CTNND2: variants seen among roughly 807,000 people sequenced by gnomAD.
CTNND2 encodes the protein catenin delta 2.
In CTNND2, 22 loss-of-function variants were observed where a neutral mutation model predicts 144.4. That is an observed-to-expected ratio of 0.15 (90% CI 0.11 to 0.22). CTNND2 has a LOEUF of 0.22. Among genes scored for constraint, CTNND2 ranks in the 10% least tolerant of loss-of-function variants. CTNND2 has a pLI of 1.00. For missense variants in CTNND2, 1,353 were observed against 1,618.8 expected (o/e 0.84, Z 2.82); for synonymous variants, 751 against 695.6 (o/e 1.08, Z -1.25).
intron 13 of CTNND2, among the ~76,000 whole-genome samples, chr5:11,114,564 G>A (rs1012128448): frequency 1.3e-5 from 2 of 152,156 alleles, no homozygotes; most frequent in South Asian, 2.1e-4. Flanking sequence ...GGTGGCAGCC[G>A]GTAGCTTTGC....
At chr5:11,541,846 C>CA (rs111631935) in intron 3 of CTNND2, among the ~76,000 whole-genome samples, 1 of 145,376 alleles carries the variant, frequency 6.9e-6, no homozygotes, top group Admixed American at 6.8e-5. Context: ...CGACCCCCCC[C>CA]CCCCGGCCAA....
rs947031308 is a variant in CTNND2 at position 11,383,379 on chromosome 5, C to T, written c.1177+1286G>A. Among the ~76,000 whole-genome samples, 97 of 152,126 alleles carry T rather than the reference C, an allele frequency of 6.4e-4. 1 individual carries two copies. The highest frequency in any genetic ancestry group is 2.1e-3 in the African/African-American group (89 of 41,406). On this transcript the variant is annotated intron_variant, in intron 7 of 21. Transcript: ENST00000304623. ...TGAAGTTTCAGTACATGTTCACTCG[C>T]CCCCTTTTCTAAGCAGATCGCTACT...
intron 3 of CTNND2, among the ~76,000 whole-genome samples, chr5:11,455,006 CT>C (rs75755559): frequency 1.7e-3 from 246 of 141,312 alleles, no homozygotes; most frequent in Middle Eastern, 7.4e-3. Context: ...TAATTTAACT[CT>C]TTTTTTTTTT....
intron 3 of CTNND2, among the ~76,000 whole-genome samples, chr5:11,501,884 T>C (rs1293247584): frequency 1.3e-5 from 2 of 151,394 alleles, no homozygotes; most frequent in Admixed American, 6.6e-5. Context: ...AAAAATTAGC[T>C]GGGTGTGGTT....
chr5:11,709,757 C>T (rs34798977), intron 2 of CTNND2, among the ~76,000 whole-genome samples: 9,219 of 152,150 alleles, frequency 0.061, 418 homozygotes, highest in South Asian at 0.1. Flanking sequence ...GGTTGGACTC[C>T]TTTTACTATG....
intron 14 of CTNND2, among the ~76,000 whole-genome samples, chr5:11,107,429 T>C: frequency 6.6e-6 from 1 of 152,158 alleles, no homozygotes; most frequent in Non-Finnish European, 1.5e-5. Flanking sequence ...GTCAAGAGCA[T>C]CCGAATGACA....
chr5:11,895,043 G>C (rs1356408643), intron 1 of CTNND2, among the ~76,000 whole-genome samples: 1 of 152,106 alleles, frequency 6.6e-6, no homozygotes, highest in Non-Finnish European at 1.5e-5. Context: ...AGAGCAGGGG[G>C]AGAAGGTAGA....
chr5:11,640,436 C>G (rs140700757), intron 2 of CTNND2, among the ~76,000 whole-genome samples: 1 of 152,208 alleles, frequency 6.6e-6, no homozygotes, highest in Admixed American at 6.5e-5. Flanking sequence ...TTGCCACACA[C>G]TGGGTACAAA....
At chr5:11,060,803 A>G (rs1225119722) in intron 16 of CTNND2, among the ~76,000 whole-genome samples, 1 of 152,210 alleles carries the variant, frequency 6.6e-6, no homozygotes, top group Non-Finnish European at 1.5e-5. Flanking sequence ...CTTTATTCCA[A>G]AGTAAAAATG....
rs775381699 is a variant in CTNND2 at position 11,022,816 on chromosome 5, G to A, written c.2952C>T (p.Ala984=). The change falls in exon 17 of 22, where the codon GCC becomes GCT. Residue 984 remains alanine, a synonymous_variant. Transcript: ENST00000304623. ...NMENAKALRD[A]GGIEKLVGIS... is the part of the protein sequence containing the mutation. ...TGCCGACCAACTTCTCGATGCCACC[G>A]GCATCCCGTAAGGCCTTGGCGTTCT... 3.3e-5 allele frequency: 53 copies of A among 1,614,014 alleles called. No individual in the cohort carries two copies. The highest frequency in any genetic ancestry group is 3.3e-4 in the Middle Eastern group (2 of 6,070).
chr5:11,158,035 C>T (rs1758393060), intron 12 of CTNND2, among the ~76,000 whole-genome samples: 1 of 152,112 alleles, frequency 6.6e-6, no homozygotes, highest in Non-Finnish European at 1.5e-5. Context: ...AAGGTGGTAG[C>T]CTATATCCTT....
At chr5:11,109,625 T>C (rs749615005) in intron 14 of CTNND2, among the ~76,000 whole-genome samples, 1 of 152,208 alleles carries the variant, frequency 6.6e-6, no homozygotes, top group Non-Finnish European at 1.5e-5. Flanking sequence ...TAACCTTTCA[T>C]TTTACATAAT....
intron 20 of CTNND2, among the ~76,000 whole-genome samples, chr5:10,985,999 A>C (rs983530022): frequency 1.3e-5 from 2 of 152,130 alleles, no homozygotes; most frequent in Admixed American, 1.3e-4. Flanking sequence ...TTTACATAGC[A>C]CCCATTGGCT....
At chr5:11,164,227 A>G (rs1759075627) in intron 11 of CTNND2, among the ~76,000 whole-genome samples, 1 of 152,076 alleles carries the variant, frequency 6.6e-6, no homozygotes, top group African/African-American at 2.4e-5. Context: ...AAGCCCTCCT[A>G]CCTTAGTCAT....
intron 1 of CTNND2, among the ~76,000 whole-genome samples, chr5:11,884,337 T>C (rs147719156): frequency 6.6e-6 from 1 of 152,228 alleles, no homozygotes; most frequent in Admixed American, 6.5e-5. Flanking sequence ...TTAATCCATC[T>C]TGAGTTAATT....
intron 5 of CTNND2, among the ~76,000 whole-genome samples, chr5:11,404,549 T>C (rs1760911616): frequency 6.6e-6 from 1 of 151,086 alleles, no homozygotes; most frequent in African/African-American, 2.4e-5. Context: ...CATCAGTTAC[T>C]GTTCAAGTGC....
At chr5:11,474,550 G>A (rs563579113) in intron 3 of CTNND2, among the ~76,000 whole-genome samples, 1 of 152,266 alleles carries the variant, frequency 6.6e-6, no homozygotes, top group South Asian at 2.1e-4. Flanking sequence ...AAGGCAGAAG[G>A]AACTGGTGTT....
At chr5:11,454,383 G>A (rs1308612977) in intron 3 of CTNND2, among the ~76,000 whole-genome samples, 11 of 151,920 alleles carry the variant, frequency 7.2e-5, no homozygotes, top group Admixed American at 4.6e-4. Context: ...TCACATCACC[G>A]CACTTCGGCC....
chr5:11,268,668 T>C (rs1745698577), intron 9 of CTNND2, among the ~76,000 whole-genome samples: 2 of 152,146 alleles, frequency 1.3e-5, no homozygotes, highest in Non-Finnish European at 2.9e-5. Flanking sequence ...TATCACACTA[T>C]AATGGTGTAA....
Sources: allele counts gnomAD v4.1 joint callset (sites outside exome capture counted in the v4.1 genomes callset), GRCh38; gene constraint gnomAD v4.1.1; transcripts MANE v1.5; gene names NCBI Gene and HGNC (gene_info 2026-07-23, HGNC 2026-07-21).